Variants in CDH11 observed in about 807,000 individuals in gnomAD.
CDH11 encodes cadherin 11, also known as cadherin-11.
CDH11 carries 11 observed loss-of-function variants against 67.8 expected under a neutral mutation model. That is an observed-to-expected ratio of 0.16 (90% CI 0.10 to 0.27). CDH11 has a LOEUF of 0.27. Ranked by LOEUF, CDH11 falls within the 10% of genes least tolerant of loss-of-function variation. The probability of loss-of-function intolerance (pLI) is 1.00; values close to 1 mark genes in which losing one functional copy is unlikely to be tolerated. For synonymous variants in CDH11, 419 were observed against 400.0 expected (o/e 1.05, Z -0.57); for missense variants, 847 against 1,031.2 (o/e 0.82, Z 2.45).
At chr16:65,018,814 A>G (rs1204361750) in intron 2 of CDH11, among the ~76,000 whole-genome samples, 1 of 152,186 alleles carries the variant, frequency 6.6e-6, no homozygotes, top group Admixed American at 6.5e-5. Flanking sequence ...AGAGACGTGC[A>G]TTTAAAACTA....
chr16:65,070,565 C>T (rs1197670970), intron 1 of CDH11, among the ~76,000 whole-genome samples: 8 of 152,154 alleles, frequency 5.3e-5, no homozygotes, highest in Non-Finnish European at 8.8e-5. Context: ...CACTTGGCAC[C>T]ACCCCACACA....
chr16:65,121,925 G>A lies in CDH11; in HGVS notation c.-343C>T, dbSNP rs1020442463. 1.4e-6 allele frequency: 1 copy of A among 701,968 alleles called. No individual in the cohort carries two copies. The highest frequency in any genetic ancestry group is 1.5e-5 in the South Asian group (1 of 67,582). The allele number at this position is 701,968 out of a possible 1,614,324, so 43.5% of individuals were successfully genotyped here. On this transcript the variant is annotated 5_prime_UTR_variant, in exon 1 of 13. Coordinates refer to ENST00000268603, the MANE Select transcript of CDH11 (RefSeq NM_001797.4). The surrounding 1 kb of genome is among the most constrained non-coding windows in gnomAD (Gnocchi z 4.1). ...CGCAACCTCCGAGCCGCCAGTCCCT[G>A]GCGCAGGGCAAGCGCTGCGGTGTCA... is the stretch of plus-strand genomic sequence containing the variant.
At chr16:65,117,401 C>A (rs2075261013) in intron 1 of CDH11, among the ~76,000 whole-genome samples, 1 of 152,162 alleles carries the variant, frequency 6.6e-6, no homozygotes, top group Non-Finnish European at 1.5e-5. Flanking sequence ...CCTGAACTTT[C>A]ATGACACTAT....
chr16:65,080,716 T>C (rs2074596160), intron 1 of CDH11, among the ~76,000 whole-genome samples: 1 of 152,228 alleles, frequency 6.6e-6, no homozygotes, highest in African/African-American at 2.4e-5. Flanking sequence ...TGTATTAAAA[T>C]ATTAAAATAC....
Position 65,109,665 on chromosome 16 carries a change from C to T in CDH11, c.-298+12215G>A, listed in dbSNP as rs183283138. The stretch of plus-strand genomic sequence containing the variant: ...CCAGCTTTTGAGATTTTTGCATTGG[C>T]TCCTTGGCTAGAGTCCATAGAAAAC... On this transcript the variant is annotated intron_variant, in intron 1 of 12. Coordinates refer to ENST00000268603, the MANE Select transcript of CDH11 (RefSeq NM_001797.4). Among the ~76,000 whole-genome samples the T allele has an allele frequency of 1.3e-4, 20 of 152,278 alleles. No homozygotes were observed. The East Asian group carries it at 3.9e-3, about 29-fold the overall frequency.
intron 1 of CDH11, among the ~76,000 whole-genome samples, 168 bp from the exon 2 acceptor site, chr16:65,054,096 A>G (rs2074102642): frequency 6.6e-6 from 1 of 152,246 alleles, no homozygotes; most frequent in Admixed American, 6.5e-5. Context: ...AAAGTGGGAA[A>G]AACTTGTCAT....
chr16:65,030,551 G>C (rs974804526), intron 2 of CDH11, among the ~76,000 whole-genome samples: 8 of 152,138 alleles, frequency 5.3e-5, no homozygotes, highest in African/African-American at 1.9e-4. Flanking sequence ...ATCACACTTG[G>C]GGAACTGTGG....
Position 64,981,971 on chromosome 16 carries a change from G to C in CDH11, c.1253+77C>G, listed in dbSNP as rs1323227948. ...AACCCTTTTTGAAATTGAAAAACGT[G>C]GTTCCTACAGGGCTTTCCCAGAACC... On this transcript the variant is annotated intron_variant, in intron 8 of 12. Coordinates refer to ENST00000268603, the MANE Select transcript of CDH11 (RefSeq NM_001797.4). 6 of 1,306,614 alleles carry C rather than the reference G, an allele frequency of 4.6e-6. 1 individual carries two copies. The highest frequency in any genetic ancestry group is 4.5e-5 in the South Asian group (3 of 66,916). The allele number at this position is 1,306,614 out of a possible 1,614,324, so 80.9% of individuals were successfully genotyped here.
intron 11 of CDH11, among the ~76,000 whole-genome samples, chr16:64,957,441 C>T (rs1273714508): frequency 1.3e-5 from 2 of 152,044 alleles, no homozygotes; most frequent in South Asian, 2.1e-4. Flanking sequence ...CTATCTACCA[C>T]ATGAAAAGCT....
At chr16:65,096,118 C>T (rs780605305) in intron 1 of CDH11, among the ~76,000 whole-genome samples, 2 of 152,070 alleles carry the variant, frequency 1.3e-5, no homozygotes, top group Non-Finnish European at 1.5e-5. Flanking sequence ...ATACATAATT[C>T]GATGACCTAT....
At position 64,954,462 on chromosome 16, in the gene CDH11, G is replaced by A. The variant is rs143210231; in HGVS notation, c.1643-3444C>T. Reference sequence around the variant, plus strand: ...ATTGATAGCAAGCATGCCTCATGGGGTTGTTAAGCAACTAAATAACATGAT... The same window carrying A: ...ATTGATAGCAAGCATGCCTCATGGGATTGTTAAGCAACTAAATAACATGAT... On this transcript the variant is annotated intron_variant, in intron 11 of 12. Coordinates refer to ENST00000268603, the MANE Select transcript of CDH11 (RefSeq NM_001797.4). Among the ~76,000 whole-genome samples the A allele has an allele frequency of 1.6e-4, 24 of 152,248 alleles. No homozygotes were observed. In the East Asian group the frequency reaches 4.1e-3, roughly 26 times the overall value.
At chr16:65,098,935 C>A (rs765659149) in intron 1 of CDH11, among the ~76,000 whole-genome samples, 1 of 152,040 alleles carries the variant, frequency 6.6e-6, no homozygotes, top group South Asian at 2.1e-4. Flanking sequence ...AATAAAATGA[C>A]CTTTGAGGTC....
chr16:64,982,084 T>G lies in CDH11; in HGVS notation c.1217A>C (p.His406Pro), dbSNP rs879011621. 1 of 1,614,020 alleles carries G rather than the reference T, an allele frequency of 6.2e-7. No individual in the cohort carries two copies. Among genetic ancestry groups the G allele is most frequent in the Non-Finnish European group, 8.5e-7 (1 of 1,179,944 alleles). The change falls in exon 8 of 13, where the codon CAT becomes CCT. Residue 406 changes from histidine (H) to proline (P), a missense_variant. Physicochemically the swap from His to Pro is moderately conservative, Grantham distance 77. Transcript: ENST00000268603. ...AAAGTVVGRV[H>P]AKDPDAANSP... is the part of the protein sequence containing the mutation. ...GTTGGCAGCATCAGGGTCTTTGGCA[T>G]GCACTCTCCCAACCACGGTGCCAGC...
intron 2 of CDH11, among the ~76,000 whole-genome samples, chr16:65,013,130 T>G (rs1478489306): frequency 6.6e-6 from 1 of 152,150 alleles, no homozygotes; most frequent in African/African-American, 2.4e-5. Flanking sequence ...GACGGATGTT[T>G]TCATCTCATT....
intron 2 of CDH11, among the ~76,000 whole-genome samples, chr16:65,047,175 T>C (rs1333189062): frequency 6.6e-6 from 1 of 152,104 alleles, no homozygotes; most frequent in Non-Finnish European, 1.5e-5. Flanking sequence ...TATACAAATG[T>C]GGAGGAAGTA....
chr16:65,031,606 T>C (rs957205232), intron 2 of CDH11, among the ~76,000 whole-genome samples: 17 of 152,250 alleles, frequency 1.1e-4, no homozygotes, highest in African/African-American at 3.9e-4. Context: ...AATAAGATCC[T>C]ATGTTCAGGT....
rs1202995125 is a variant in CDH11 at position 64,947,030 on chromosome 16, A to G, written c.*573T>C. ...TATATCTGGCACGTATTAGTTTAAGATGAAAGTAGAAGCAAAAAGATTTAC... is the reference window on the plus strand; with the variant it reads ...TATATCTGGCACGTATTAGTTTAAGGTGAAAGTAGAAGCAAAAAGATTTAC... On this transcript the variant is annotated 3_prime_UTR_variant, in exon 13 of 13. Coordinates refer to ENST00000268603, the MANE Select transcript of CDH11 (RefSeq NM_001797.4). 1.9e-6 allele frequency: 2 copies of G among 1,028,986 alleles called. No homozygotes were observed. Among genetic ancestry groups the G allele is most frequent in the African/African-American group, 3.4e-5 (2 of 59,170 alleles). 63.7% of individuals were successfully genotyped at this position (1,028,986 alleles called of 1,614,324 possible).
At chr16:65,115,980 CAA>C (rs1315903244) in intron 1 of CDH11, among the ~76,000 whole-genome samples, 1 of 151,966 alleles carries the variant, frequency 6.6e-6, no homozygotes, top group Non-Finnish European at 1.5e-5. Context: ...CTATGATGAG[CAA>C]AAGACAAAAT....
intron 1 of CDH11, among the ~76,000 whole-genome samples, chr16:65,115,078 G>A (rs1362634241): frequency 1.3e-5 from 2 of 152,142 alleles, no homozygotes; most frequent in Non-Finnish European, 2.9e-5. Flanking sequence ...CCTTTTAAAC[G>A]AAAGCAAACC....
Sources: allele counts gnomAD v4.1 joint callset (sites outside exome capture counted in the v4.1 genomes callset), GRCh38; gene constraint gnomAD v4.1.1; non-coding constraint Gnocchi (gnomAD v3.1); transcripts MANE v1.5; gene names NCBI Gene and HGNC (gene_info 2026-07-23, HGNC 2026-07-21).